OPRK1: variants seen among roughly 807,000 people sequenced by gnomAD.
OPRK1 encodes kappa-type opioid receptor.
A neutral mutation model predicts 24.5 loss-of-function variants in OPRK1; 15 were observed. The ratio of observed to expected loss-of-function variants is 0.61; its 90% confidence interval spans 0.41 to 0.94. The LOEUF is 0.94. Among genes scored for constraint, OPRK1 ranks in the 40% least tolerant of loss-of-function variants. OPRK1 has a pLI of 0.00. For synonymous variants in OPRK1, 205 were observed against 198.0 expected (o/e 1.04, Z -0.30); for missense variants, 479 against 507.3 (o/e 0.94, Z 0.54).
Position 53,238,474 on chromosome 8 carries a change from G to A in OPRK1, c.258-3363C>T, listed in dbSNP as rs551428947. The A allele has an allele frequency of 5.6e-6, 5 of 898,058 alleles. No homozygotes were observed. The South Asian group carries it at 2.0e-4, about 37-fold the overall frequency. The allele number at this position is 898,058 out of a possible 1,614,324, so 55.6% of individuals were successfully genotyped here. ...AACAGACCTGAAAAAACAGTACGGTGCATGGAATGGGAAGCAAGGGGCAGG... is the reference window on the plus strand; with the variant it reads ...AACAGACCTGAAAAAACAGTACGGTACATGGAATGGGAAGCAAGGGGCAGG... On this transcript the variant is annotated intron_variant, in intron 2 of 3. Coordinates refer to ENST00000265572, the MANE Select transcript of OPRK1 (RefSeq NM_000912.5).
chr8:53,244,322 T>A (rs1182650310), intron 2 of OPRK1, among the ~76,000 whole-genome samples: 2 of 152,220 alleles, frequency 1.3e-5, no homozygotes, highest in Non-Finnish European at 2.9e-5. Flanking sequence ...GAGGAGTATT[T>A]TTAGAAGGAC....
intron 2 of OPRK1, among the ~76,000 whole-genome samples, chr8:53,242,267 G>A (rs1184152179): frequency 3.3e-5 from 5 of 152,188 alleles, no homozygotes; most frequent in Non-Finnish European, 1.5e-5. Flanking sequence ...GCCAGGCAGA[G>A]GGCGCTGAGA....
rs781728506 is a variant in OPRK1, at chr8:53,229,300, T to C, written c.1140A>G (p.Val380=). The change falls in exon 4 of 4, where the codon GTA becomes GTG. Residue 380 remains valine (V), a synonymous_variant. Transcript: ENST00000265572. ...ACGAAGACATCTCCACGACTAGTCA[T>C]ACTGGTTTATTCATCCCATCGATGT... ...LRDIDGMNKP[V] The C allele has an allele frequency of 1.9e-6, 3 of 1,612,354 alleles. No homozygotes were observed. Among genetic ancestry groups the C allele is most frequent in the Non-Finnish European group, 2.5e-6 (3 of 1,178,848 alleles).
At position 53,235,075 on chromosome 8, in the gene OPRK1, T is replaced by C. The variant is rs75771149; in HGVS notation, c.294A>G (p.Ile98Met). 5.0e-6 allele frequency: 8 copies of C among 1,614,008 alleles called. No individual in the cohort carries two copies. In the African/African-American group the frequency reaches 6.7e-5, roughly 13 times the overall value. The change falls in exon 3 of 4, where the codon ATA (isoleucine) becomes ATG (methionine). Residue 98 changes from isoleucine to methionine, a missense_variant. Coordinates refer to ENST00000265572, the MANE Select transcript of OPRK1 (RefSeq NM_000912.5). ...TKMKTATNIYIFNLALADALV... is the reference protein window; with the variant it reads ...TKMKTATNIYMFNLALADALV... ...AAGCATCTGCCAAAGCCAGGTTAAA[T>C]ATGTAAATGTTGGTTGCTGTCTTCA...
chr8:53,244,379 C>T (rs953218340), intron 2 of OPRK1, among the ~76,000 whole-genome samples: 1 of 152,190 alleles, frequency 6.6e-6, no homozygotes. Context: ...CCCTTTGGTG[C>T]AGAAATTTGA....
At chr8:53,236,306 C>T (rs765871036) in intron 2 of OPRK1, among the ~76,000 whole-genome samples, 8 of 152,160 alleles carry the variant, frequency 5.3e-5, no homozygotes, top group African/African-American at 1.7e-4. Context: ...ACTCACAGTA[C>T]GTGAGACAAG....
intron 3 of OPRK1, among the ~76,000 whole-genome samples, chr8:53,231,342 T>C (rs1563326625): frequency 6.6e-6 from 1 of 152,206 alleles, no homozygotes; most frequent in African/African-American, 2.4e-5. Context: ...GGGTTTTGAC[T>C]TGTTTGTTGA....
chr8:53,231,528 C>T (rs1464835366), intron 3 of OPRK1, among the ~76,000 whole-genome samples: 4 of 152,252 alleles, frequency 2.6e-5, no homozygotes, highest in East Asian at 1.9e-4. Context: ...GTAACTTACA[C>T]TTTGTCTACA....
At chr8:53,250,748 C>A in intron 2 of OPRK1, 33 bp downstream of exon 2, 1 of 1,570,842 alleles carries the variant, frequency 6.4e-7, no homozygotes, top group Non-Finnish European at 8.6e-7. Context: ...CTGCCCCGCC[C>A]AGCCCCCAGC....
In OPRK1 at chr8:53,238,416, G is replaced by A. The variant is rs528065269; in HGVS notation, c.258-3305C>T. On this transcript the variant is annotated intron_variant, in intron 2 of 3. Transcript: ENST00000265572. ...GAGCATATGGTATGAAAAGAGCAAA[G>A]TCCGTGGGCTGTCCTCGCTAAACTG... The A allele has an allele frequency of 9.0e-4, 427 of 473,354 alleles. 3 individuals carry two copies. Among genetic ancestry groups the A allele is most frequent in the African/African-American group, 8.4e-3 (395 of 47,276 alleles). The allele number at this position is 473,354 out of a possible 1,614,324, so 29.3% of individuals were successfully genotyped here. A position where few individuals can be genotyped will look rare whatever the true frequency, so the allele number is the denominator to read the frequency against.
At chr8:53,247,301 G>A in intron 2 of OPRK1, among the ~76,000 whole-genome samples, 1 of 152,310 alleles carries the variant, frequency 6.6e-6, no homozygotes, top group Admixed American at 6.5e-5. Context: ...TAGGATCAAT[G>A]GTCAGGCCAC....
chr8:53,242,197 G>A (rs944835089), intron 2 of OPRK1, among the ~76,000 whole-genome samples: 2 of 152,194 alleles, frequency 1.3e-5, no homozygotes, highest in African/African-American at 2.4e-5. Context: ...GAGGATGATG[G>A]CCCTCTTGCG....
In OPRK1 at chr8:53,226,353, A is replaced by G. The variant is rs946074836; in HGVS notation, c.*2944T>C. The G allele has an allele frequency of 1.3e-5, 2 of 152,230 alleles. No homozygotes were observed. The highest frequency in any genetic ancestry group is 2.9e-5 in the Non-Finnish European group (2 of 68,072). 9.4% of individuals were successfully genotyped at this position (152,230 alleles called of 1,614,324 possible). ...AGTTAGAGTGGGGGGTTTCCTCCTCAGTGCTGCCCCTGCATGGCTGGTTCA... is the reference window on the plus strand; with the variant it reads ...AGTTAGAGTGGGGGGTTTCCTCCTCGGTGCTGCCCCTGCATGGCTGGTTCA... On this transcript the variant is annotated 3_prime_UTR_variant, in exon 4 of 4. Coordinates refer to ENST00000265572, the MANE Select transcript of OPRK1 (RefSeq NM_000912.5).
intron 2 of OPRK1, among the ~76,000 whole-genome samples, chr8:53,249,168 T>C (rs1807306976): frequency 1.3e-5 from 2 of 149,700 alleles, no homozygotes; most frequent in African/African-American, 4.9e-5. Context: ...AGGGGCTCAT[T>C]CAAATAACAA....
intron 3 of OPRK1, 37 bp from the exon 4 acceptor site, chr8:53,229,866 T>C (rs761288127): frequency 6.7e-7 from 1 of 1,502,126 alleles, no homozygotes; most frequent in Non-Finnish European, 8.9e-7. Context: ...CACAGAAACC[T>C]GTTATTGTTA....
At chr8:53,247,472 C>T (rs1807259675) in intron 2 of OPRK1, among the ~76,000 whole-genome samples, 1 of 152,150 alleles carries the variant, frequency 6.6e-6, no homozygotes, top group African/African-American at 2.4e-5. Context: ...ACCTGCTTGA[C>T]ACATATTAAG....
intron 3 of OPRK1, among the ~76,000 whole-genome samples, chr8:53,230,031 G>A (rs1806815764): frequency 6.6e-6 from 1 of 151,838 alleles, no homozygotes; most frequent in Non-Finnish European, 1.5e-5. Flanking sequence ...ATGGAACAAT[G>A]ATGATAGTCA....
rs1806760455 is a variant in OPRK1 at position 53,228,284 on chromosome 8, C to CTACA, written c.*1009_*1012dup. 6.6e-6 allele frequency: 1 copy of CTACA among 152,228 alleles called. No individual in the cohort carries two copies. Among genetic ancestry groups the CTACA allele is most frequent in the South Asian group, 2.1e-4 (1 of 4,822 alleles). The allele number at this position is 152,228 out of a possible 1,614,324, so 9.4% of individuals were successfully genotyped here. ...GCAAATAAACTAGATCCTGCGAAGG[C>CTACA]TACAACCTGGGAGCTAGTTAAAGCC... is the stretch of plus-strand genomic sequence containing the variant. On this transcript the variant is annotated 3_prime_UTR_variant, in exon 4 of 4. Coordinates refer to ENST00000265572, the MANE Select transcript of OPRK1 (RefSeq NM_000912.5).
chr8:53,246,114 A>C (rs927600385), intron 2 of OPRK1, among the ~76,000 whole-genome samples: 2 of 152,190 alleles, frequency 1.3e-5, no homozygotes, highest in Admixed American at 1.3e-4. Flanking sequence ...GGAGAATATG[A>C]GCATTTAGGA....
Sources: allele counts gnomAD v4.1 joint callset (sites outside exome capture counted in the v4.1 genomes callset), GRCh38; gene constraint gnomAD v4.1.1; transcripts MANE v1.5; gene names NCBI Gene and HGNC (gene_info 2026-07-23, HGNC 2026-07-21).